Variants in WNT5A observed in about 807,000 individuals in gnomAD.
The protein encoded by WNT5A is protein Wnt-5a.
In WNT5A, 9 loss-of-function variants were observed where a neutral mutation model predicts 42.1. The observed-to-expected ratio is 0.21, with a 90% CI of 0.13 to 0.37. The LOEUF (loss-of-function observed/expected upper bound fraction) is 0.37. WNT5A is among the 10% of genes least tolerant of loss of function. The probability of loss-of-function intolerance (pLI) is 1.00; values close to 1 mark genes in which losing one functional copy is unlikely to be tolerated. For missense variants in WNT5A, 426 were observed against 534.0 expected (o/e 0.80, Z 1.99); for synonymous variants, 210 against 210.0 (o/e 1.00, Z 0.00).
upstream of WNT5A, chr3:55,490,349 C>T (rs1321985988): frequency 6.6e-6 from 1 of 152,194 alleles, no homozygotes; most frequent in East Asian, 1.9e-4. Context: ...AGTGCTATTT[C>T]CTGTTCTGCA....
the WNT5A span, among the ~76,000 whole-genome samples, chr3:55,495,731 A>G: frequency 1.3e-5 from 2 of 152,318 alleles, no homozygotes; most frequent in East Asian, 3.9e-4. Flanking sequence ...ACTGGATCAT[A>G]CGGTAGTTTT....
At chr3:55,501,323 T>C in the WNT5A span, among the ~76,000 whole-genome samples, 2 of 152,206 alleles carry the variant, frequency 1.3e-5, no homozygotes, top group African/African-American at 4.8e-5. Flanking sequence ...TTCTAAAGTA[T>C]TGGCTAAAAA....
intron 3 of WNT5A, among the ~76,000 whole-genome samples, chr3:55,478,835 T>C (rs888680617): frequency 6.6e-6 from 1 of 152,142 alleles, no homozygotes; most frequent in African/African-American, 2.4e-5. Flanking sequence ...CCTCAGGAAA[T>C]AGTTCTATTA....
the WNT5A span, among the ~76,000 whole-genome samples, chr3:55,498,239 C>A: frequency 6.6e-6 from 1 of 152,144 alleles, no homozygotes; most frequent in Non-Finnish European, 1.5e-5. Flanking sequence ...TACCTTTGAA[C>A]GGTGTCACCC....
chr3:55,494,550 T>G (rs576270247), upstream of WNT5A, among the ~76,000 whole-genome samples: 11 of 151,700 alleles, frequency 7.3e-5, no homozygotes, highest in East Asian at 1.7e-3. Context: ...ACTTTTTTTC[T>G]TTTTTTTGAT....
the WNT5A span, among the ~76,000 whole-genome samples, chr3:55,496,087 C>T: frequency 6.6e-6 from 1 of 152,048 alleles, no homozygotes; most frequent in Non-Finnish European, 1.5e-5. Flanking sequence ...GTCAATATCC[C>T]CAACCCCCTT....
In WNT5A at chr3:55,470,307, C is replaced by G. The variant is rs777938109; in HGVS notation, c.928G>C (p.Val310Leu). The G allele has an allele frequency of 1.9e-6, 3 of 1,614,058 alleles. No homozygotes were observed. Among genetic ancestry groups the G allele is most frequent in the Non-Finnish European group, 2.5e-6 (3 of 1,179,910 alleles). The change falls in exon 5 of 5, where the codon GTG becomes CTG. Residue 310 changes from valine to leucine, a missense_variant. Physicochemically the swap from Val to Leu is conservative, Grantham distance 32. This residue lies in a region of WNT5A where 358 missense variants were observed against 468.1 expected (regional missense o/e 0.76). Coordinates refer to ENST00000264634, the MANE Select transcript of WNT5A (RefSeq NM_003392.7). ...VYIDPSPDYC[V>L]RNESTGSLGT... ...AGCGAGCCGGTGCTCTCATTGCGCA[C>G]GCAGTAGTCAGGGCTGGGGTCGATG...
the WNT5A span, among the ~76,000 whole-genome samples, chr3:55,499,940 A>G: frequency 6.6e-6 from 1 of 150,636 alleles, no homozygotes; most frequent in Non-Finnish European, 1.5e-5. Flanking sequence ...GAGCCACTGC[A>G]CTCCAGCCTG....
chr3:55,474,661 C>T lies in WNT5A; in HGVS notation c.392-32G>A, dbSNP rs1479953038. ...GTGAGGACAAGGGATCACTGGCCGC[C>T]TGCCTCACGCGCTGGGCCGGGATGC... On this transcript the variant is annotated intron_variant, in intron 3 of 4. Transcript: ENST00000264634. The T allele has an allele frequency of 4.3e-6, 5 of 1,175,724 alleles. No homozygotes were observed. The East Asian group carries it at 2.9e-4, about 68-fold the overall frequency. 72.8% of individuals were successfully genotyped at this position (1,175,724 alleles called of 1,614,324 possible).
intron 1 of WNT5A, among the ~76,000 whole-genome samples, chr3:55,484,202 A>C (rs1206248854): frequency 6.6e-6 from 1 of 152,162 alleles, no homozygotes; most frequent in Non-Finnish European, 1.5e-5. Context: ...TGGAAAAAGA[A>C]AGCTGTTTTC....
Position 55,479,569 on chromosome 3 carries a change from A to G in WNT5A, c.141-5T>C, listed in dbSNP as rs756403639. 4.8e-5 allele frequency: 76 copies of G among 1,579,974 alleles called. No homozygotes were observed. The highest frequency in any genetic ancestry group is 6.4e-5 in the Non-Finnish European group (74 of 1,158,216). ...GGGTTATTCATACCTAGCGACCTGCAAGGGGGGGAGATGTGCATTCAAGAT... is the reference window on the plus strand; with the variant it reads ...GGGTTATTCATACCTAGCGACCTGCGAGGGGGGGAGATGTGCATTCAAGAT... On this transcript the variant is annotated splice_polypyrimidine_tract_variant and splice_region_variant and intron_variant, in intron 2 of 4. Coordinates refer to ENST00000264634, the MANE Select transcript of WNT5A (RefSeq NM_003392.7).
intron 3 of WNT5A, among the ~76,000 whole-genome samples, chr3:55,477,423 G>T (rs1366067190): frequency 6.6e-6 from 1 of 152,106 alleles, no homozygotes; most frequent in East Asian, 1.9e-4. Flanking sequence ...ACCTTTTGCA[G>T]GGGAGGATGC....
At chr3:55,471,093 G>T (rs2051242526) in intron 4 of WNT5A, among the ~76,000 whole-genome samples, 1 of 152,156 alleles carries the variant, frequency 6.6e-6, no homozygotes, top group African/African-American at 2.4e-5. Context: ...GTGCAGAATT[G>T]GGAAGAGTCC....
chr3:55,478,603 A>C (rs543153401), intron 3 of WNT5A, among the ~76,000 whole-genome samples: 3 of 152,194 alleles, frequency 2.0e-5, no homozygotes, highest in African/African-American at 7.2e-5. Context: ...TTGAAATGCT[A>C]TCTCTTTGAA....
rs923326217 is a variant in WNT5A, at chr3:55,467,726, T to C, written c.*2366A>G. 13 of 152,564 alleles carry C rather than the reference T, an allele frequency of 8.5e-5. No individual in the cohort carries two copies. The highest frequency in any genetic ancestry group is 1.6e-4 in the Non-Finnish European group (11 of 68,032). 9.5% of individuals were successfully genotyped at this position (152,564 alleles called of 1,614,324 possible). On this transcript the variant is annotated 3_prime_UTR_variant, in exon 5 of 5. Coordinates refer to ENST00000264634, the MANE Select transcript of WNT5A (RefSeq NM_003392.7). The stretch of plus-strand genomic sequence containing the variant: ...AGTACAGAATAAAGGCTAGAAGATA[T>C]ACATAATATCTGAATGACATGTAGA...
upstream of WNT5A, among the ~76,000 whole-genome samples, chr3:55,490,702 CAG>C (rs1193807217): frequency 6.6e-6 from 1 of 152,178 alleles, no homozygotes; most frequent in African/African-American, 2.4e-5. Context: ...GCTCTGAAAA[CAG>C]AGGTTTTCAA....
upstream of WNT5A, among the ~76,000 whole-genome samples, chr3:55,493,060 C>T (rs1443073970): frequency 6.6e-6 from 1 of 152,200 alleles, no homozygotes; most frequent in Non-Finnish European, 1.5e-5. Flanking sequence ...TGCCCCGCCA[C>T]CATCAAGAAC....
At chr3:55,480,642 CTATA>C in intron 2 of WNT5A, 139 bp downstream of exon 2, 1 of 872,456 alleles carries the variant, frequency 1.1e-6, no homozygotes, top group Non-Finnish European at 1.6e-6. Flanking sequence ...TGATTTAAAA[CTATA>C]TATAAGTAAA....
intron 3 of WNT5A, 31 bp downstream of exon 3, chr3:55,479,283 T>C (rs752598906): frequency 1.2e-5 from 17 of 1,451,502 alleles, no homozygotes; most frequent in Non-Finnish European, 1.5e-5. Flanking sequence ...AAAGTTAATG[T>C]TTTAAAAAAA....
Sources: gnomAD v4.1 joint callset for allele counts (sites outside exome capture counted in the v4.1 genomes callset) on GRCh38, gnomAD v4.1.1 for gene constraint, gnomAD v4.1.1 regional missense constraint, MANE v1.5 for transcripts, NCBI Gene and HGNC (gene_info 2026-07-23, HGNC 2026-07-21) for gene names.